The following JAK1 variants were observed in gnomAD, a reference collection of about 807,000 sequenced individuals.
JAK1 encodes the protein tyrosine-protein kinase JAK1.
In JAK1, 16 loss-of-function variants were observed where a neutral mutation model predicts 136.6. The ratio of observed to expected loss-of-function variants is 0.12; its 90% CI spans 0.08 to 0.18. The LOEUF is 0.18. JAK1 is among the 10% of genes least tolerant of loss of function. The pLI is 1.00. For synonymous variants in JAK1, 492 were observed against 519.5 expected (o/e 0.95, Z 0.72); for missense variants, 859 against 1,450.1 (o/e 0.59, Z 6.62).
intron 2 of JAK1, among the ~76,000 whole-genome samples, chr1:65,027,712 C>G (rs1646990113): frequency 1.3e-5 from 2 of 152,120 alleles, no homozygotes; most frequent in Admixed American, 1.3e-4. Flanking sequence ...CTGGAAATGT[C>G]CTGGTCAGCC....
intron 7 of JAK1, among the ~76,000 whole-genome samples, chr1:64,866,361 A>G (rs182336225): frequency 1.3e-5 from 2 of 152,174 alleles, no homozygotes; most frequent in African/African-American, 4.8e-5. Flanking sequence ...TAAATATCTC[A>G]TAAAGAAGCT....
chr1:64,875,655 A>G (rs568460899), intron 4 of JAK1, among the ~76,000 whole-genome samples: 30 of 152,352 alleles, frequency 2.0e-4, no homozygotes, highest in African/African-American at 7.2e-4. Flanking sequence ...AATTTACGAA[A>G]GTGACTGAGA....
intron 2 of JAK1, among the ~76,000 whole-genome samples, chr1:65,012,128 G>T (rs978886947): frequency 2.0e-5 from 3 of 152,316 alleles, no homozygotes; most frequent in Admixed American, 6.5e-5. Flanking sequence ...GTCATGGGGA[G>T]GTTGAAGTGA....
intron 10 of JAK1, among the ~76,000 whole-genome samples, chr1:64,856,036 A>T (rs1655907137): frequency 6.6e-6 from 1 of 152,228 alleles, no homozygotes; most frequent in Non-Finnish European, 1.5e-5. Flanking sequence ...TGCTACAATT[A>T]TCTAACATGG....
At chr1:64,835,216 C>A (rs1654399334) in intron 24 of JAK1, among the ~76,000 whole-genome samples, 180 bp downstream of exon 24, 1 of 152,212 alleles carries the variant, frequency 6.6e-6, no homozygotes, top group Non-Finnish European at 1.5e-5. Flanking sequence ...TGGTGGCTAT[C>A]ATCTAGCCCC....
intron 2 of JAK1, among the ~76,000 whole-genome samples, chr1:65,001,332 G>GTTA (rs1646754523): frequency 1.3e-5 from 2 of 152,290 alleles, no homozygotes; most frequent in Admixed American, 6.5e-5. Flanking sequence ...CCCAGCCTCC[G>GTTA]CCAGCAGAGG....
At chr1:65,048,873 G>A (rs541576854) in intron 1 of JAK1, among the ~76,000 whole-genome samples, 1 of 152,232 alleles carries the variant, frequency 6.6e-6, no homozygotes, top group African/African-American at 2.4e-5. Context: ...ACGAGGAAGG[G>A]TTTCTTTCTG....
intron 1 of JAK1, among the ~76,000 whole-genome samples, chr1:65,053,340 G>A (rs1380469850): frequency 6.6e-6 from 1 of 151,902 alleles, no homozygotes; most frequent in Non-Finnish European, 1.5e-5. Flanking sequence ...GCAAGACTCC[G>A]CCTCAAAAAA....
At chr1:65,009,414 ATT>A (rs1448904912) in intron 2 of JAK1, among the ~76,000 whole-genome samples, 1 of 152,232 alleles carries the variant, frequency 6.6e-6, no homozygotes, top group East Asian at 1.9e-4. Flanking sequence ...AAAGAGTGAC[ATT>A]TACATTTTAT....
intron 2 of JAK1, chr1:64,987,646 G>A (rs1019507606): frequency 6.6e-6 from 1 of 152,232 alleles, no homozygotes; most frequent in Admixed American, 6.5e-5. Context: ...AGCCAAGGCA[G>A]GATGATGCCT....
At chr1:64,889,877 C>A (rs1398126661) in intron 1 of JAK1, among the ~76,000 whole-genome samples, 6 of 152,184 alleles carry the variant, frequency 3.9e-5, no homozygotes, top group Non-Finnish European at 1.5e-5. Context: ...TGGCCAAGGG[C>A]CACTGCCAGA....
At chr1:64,910,176 C>T (rs1645258573) in intron 1 of JAK1, among the ~76,000 whole-genome samples, 1 of 152,094 alleles carries the variant, frequency 6.6e-6, no homozygotes, top group Non-Finnish European at 1.5e-5. Flanking sequence ...TTTATAAGAA[C>T]ACATTGAATA....
intron 1 of JAK1, among the ~76,000 whole-genome samples, chr1:64,928,797 C>CAACA (rs1444386846): frequency 1.2e-5 from 1 of 80,816 alleles, no homozygotes; most frequent in African/African-American, 4.2e-5. Context: ...AAAAAAAAAA[C>CAACA]AAAAAAAAAA....
chr1:65,037,176 C>T (rs1647082347), intron 2 of JAK1, among the ~76,000 whole-genome samples: 1 of 151,934 alleles, frequency 6.6e-6, no homozygotes, highest in Admixed American at 6.6e-5. Flanking sequence ...ACAGAGCAAG[C>T]AAGACCTCAT....
intron 5 of JAK1, 76 bp from the exon 6 acceptor site, chr1:64,869,550 G>A: frequency 2.5e-6 from 3 of 1,220,682 alleles, no homozygotes; most frequent in Non-Finnish European, 3.5e-6. Flanking sequence ...ACAGGGAGGG[G>A]CCGCCTAGAA....
intron 1 of JAK1, among the ~76,000 whole-genome samples, chr1:64,940,396 A>C (rs1645868045): frequency 6.7e-6 from 1 of 149,778 alleles, no homozygotes; most frequent in Non-Finnish European, 1.5e-5. Context: ...CACTCACTGC[A>C]ACCTCTGCCT....
rs1655353560 is a variant in JAK1 at position 64,848,060 on chromosome 1, C to A, written c.1756-385G>T. 13 of 186,662 alleles carry A rather than the reference C, an allele frequency of 7.0e-5. 1 individual carries two copies. In the South Asian group the frequency reaches 1.8e-3, roughly 27 times the overall value. The allele number at this position is 186,662 out of a possible 1,614,324, so 11.6% of individuals were successfully genotyped here. A position where few individuals can be genotyped will look rare whatever the true frequency, so the allele number is the denominator to read the frequency against. On this transcript the variant is annotated intron_variant, in intron 12 of 24. Coordinates refer to ENST00000342505, the MANE Select transcript of JAK1 (RefSeq NM_002227.4). ...CAAGAGAGGAGCCCCCAGGCAGCTC[C>A]TCTACTCACAGGCTGTGCTACCCTG...
At chr1:65,019,638 C>A (rs763203668) in intron 2 of JAK1, among the ~76,000 whole-genome samples, 8 of 152,052 alleles carry the variant, frequency 5.3e-5, no homozygotes, top group Admixed American at 5.2e-4. Flanking sequence ...GATGTGAGGC[C>A]GGGCATGGTG....
chr1:65,047,493 C>G (rs1647195209), intron 1 of JAK1, among the ~76,000 whole-genome samples: 1 of 152,130 alleles, frequency 6.6e-6, no homozygotes, highest in Admixed American at 6.5e-5. Flanking sequence ...CCAAGACGGG[C>G]AAATCACAAG....
Sources: allele counts gnomAD v4.1 joint callset (sites outside exome capture counted in the v4.1 genomes callset), GRCh38; gene constraint gnomAD v4.1.1; transcripts MANE v1.5; gene names NCBI Gene and HGNC (gene_info 2026-07-23, HGNC 2026-07-21).